The following EPSTI1 variants were observed in gnomAD, a reference collection of about 807,000 sequenced individuals.
EPSTI1 encodes epithelial-stromal interaction protein 1.
Under a neutral mutation model 49.9 loss-of-function variants are expected in EPSTI1, and 66 were observed. The ratio of observed to expected loss-of-function variants is 1.32; its 90% CI spans 1.08 to 1.62. The LOEUF is 1.62. Among genes scored for constraint, EPSTI1 ranks in the 40% most tolerant of loss-of-function variants. EPSTI1 has a pLI of 0.00. For missense variants in EPSTI1, 394 were observed against 365.5 expected (o/e 1.08, Z -0.64); for synonymous variants, 137 against 130.7 (o/e 1.05, Z -0.33).
rs529153522 is a variant in EPSTI1 at position 42,904,834 on chromosome 13, C to T, written c.742-4451G>A. 1.5e-3 allele frequency among the ~76,000 whole-genome samples: 233 copies of T among 152,264 alleles called. 2 individuals are homozygous for T. Among genetic ancestry groups the T allele is most frequent in the Non-Finnish European group, 8.8e-4 (60 of 68,020 alleles). ...AAATATATACATACATTCATTTTGA[C>T]TTTTATATGCTGATGTGTATCCAAA... On this transcript the variant is annotated intron_variant, in intron 8 of 10. Transcript: ENST00000313624.
At chr13:42,889,995 C>T (rs9533291) in intron 10 of EPSTI1, among the ~76,000 whole-genome samples, 56,524 of 151,978 alleles carry the variant, frequency 0.37, 10,865 homozygotes, top group East Asian at 0.6. Context: ...CAGCATTTGC[C>T]AGAGTCTGTT....
At chr13:42,948,917 C>A (rs1388328538) in intron 6 of EPSTI1, among the ~76,000 whole-genome samples, 1 of 152,204 alleles carries the variant, frequency 6.6e-6, no homozygotes, top group African/African-American at 2.4e-5. Flanking sequence ...TTAATGGATT[C>A]CCTTGTAGCC....
intron 1 of EPSTI1, among the ~76,000 whole-genome samples, chr13:42,988,224 T>C (rs924768030): frequency 1.3e-5 from 2 of 152,156 alleles, no homozygotes; most frequent in Non-Finnish European, 2.9e-5. Flanking sequence ...AGAGGTGATA[T>C]AAATAATGTA....
intron 8 of EPSTI1, among the ~76,000 whole-genome samples, chr13:42,909,231 A>G (rs2037594253): frequency 6.6e-6 from 1 of 152,212 alleles, no homozygotes; most frequent in African/African-American, 2.4e-5. Flanking sequence ...TAAAACCACG[A>G]TGAGCTATTA....
At chr13:42,910,257 CTT>C (rs71099807) in intron 8 of EPSTI1, among the ~76,000 whole-genome samples, 18,615 of 97,386 alleles carry the variant, frequency 0.19, 1,143 homozygotes, top group East Asian at 0.34. Context: ...TTAACCAAAT[CTT>C]TTTTTTTTTT....
At position 42,992,222 on chromosome 13, in the gene EPSTI1, C is replaced by T. The variant is rs2040211683; in HGVS notation, c.-57G>A. Reference sequence around the variant, plus strand: ...CGCTGCGGGAGGGATGCGGCTGGGACGCTTAGCGAGTCTCAAGATGGGATT... The same window carrying T: ...CGCTGCGGGAGGGATGCGGCTGGGATGCTTAGCGAGTCTCAAGATGGGATT... On this transcript the variant is annotated 5_prime_UTR_variant, in exon 1 of 11. Transcript: ENST00000313624. 4 of 1,473,138 alleles carry T rather than the reference C, an allele frequency of 2.7e-6. No homozygotes were observed. The highest frequency in any genetic ancestry group is 2.7e-5 in the Admixed American group (1 of 37,300). The allele number at this position is 1,473,138 out of a possible 1,614,324, so 91.3% of individuals were successfully genotyped here.
At position 42,963,238 on chromosome 13, in the gene EPSTI1, ATCC is replaced by A. The variant is rs751677155; in HGVS notation, c.489+14_489+16del. 6.9e-6 allele frequency: 11 copies of A among 1,593,326 alleles called. No homozygotes were observed. Among genetic ancestry groups the A allele is most frequent in the Non-Finnish European group, 7.7e-6 (9 of 1,163,044 alleles). ...ATTGTTGATCAGCAAATGTGAACTAATCCTCCTCCTCCTTACCTTCTCTCTCTG... is the reference window on the plus strand; with the variant it reads ...ATTGTTGATCAGCAAATGTGAACTAATCCTCCTCCTTACCTTCTCTCTCTG... On this transcript the variant is annotated intron_variant, in intron 5 of 10. Transcript: ENST00000313624.
chr13:42,907,967 G>T (rs1394151303), intron 8 of EPSTI1, among the ~76,000 whole-genome samples: 5 of 152,080 alleles, frequency 3.3e-5, no homozygotes, highest in Admixed American at 6.6e-5. Flanking sequence ...ACTGATTTTT[G>T]GCAAAAGGGC....
At chr13:42,990,902 AT>A (rs1236937870) in intron 1 of EPSTI1, among the ~76,000 whole-genome samples, 2 of 152,222 alleles carry the variant, frequency 1.3e-5, no homozygotes, top group African/African-American at 4.8e-5. Context: ...AAAGGCAGTG[AT>A]GTTGTGATAA....
rs1281146925 is a variant in EPSTI1, at chr13:42,920,774, T to C, written c.658-3150A>G. 5.3e-5 allele frequency among the ~76,000 whole-genome samples: 8 copies of C among 152,306 alleles called. No homozygotes were observed. In the East Asian group the frequency reaches 7.7e-4, roughly 15 times the overall value. ...AATGACTCTATAAAGTCCTGCATAC[T>C]GACCAGTGAGCCTCTGAGTCCCTCT... On this transcript the variant is annotated intron_variant, in intron 7 of 10. Transcript: ENST00000313624.
intron 7 of EPSTI1, among the ~76,000 whole-genome samples, chr13:42,926,032 G>GAAGC (rs1453709568): frequency 6.6e-6 from 1 of 150,968 alleles, no homozygotes; most frequent in East Asian, 2.0e-4. Flanking sequence ...TGGATGGAAG[G>GAAGC]AAGGAAGGAA....
chr13:42,888,215 C>T lies in EPSTI1; in HGVS notation c.*279G>A. 1 of 1,603,256 alleles carries T rather than the reference C, an allele frequency of 6.2e-7. No individual in the cohort carries two copies. ...AAGCATCAAGTGACTCCCTCTTTTT[C>T]TACCCTACCAACATCACTCTAATTA... On this transcript the variant is annotated 3_prime_UTR_variant, in exon 11 of 11. Coordinates refer to ENST00000313624, the MANE Select transcript of EPSTI1 (RefSeq NM_033255.5).
chr13:42,952,041 TGCTCTGTAAAAATGCACCAATCAGC>T (rs1297491721), intron 6 of EPSTI1, among the ~76,000 whole-genome samples: 4 of 152,156 alleles, frequency 2.6e-5, no homozygotes, highest in Non-Finnish European at 5.9e-5. Flanking sequence ...CACCAATCAG[TGCTCTGTAAAAATGCACCAATCAGC>T]GCTCTGTGAC....
intron 1 of EPSTI1, among the ~76,000 whole-genome samples, chr13:42,973,429 A>G (rs1056107016): frequency 1.3e-5 from 2 of 152,266 alleles, no homozygotes; most frequent in Admixed American, 1.3e-4. Flanking sequence ...CAACCTTCTC[A>G]GCAATATTTT....
intron 1 of EPSTI1, among the ~76,000 whole-genome samples, chr13:42,989,755 A>T (rs1176995712): frequency 3.3e-5 from 5 of 150,498 alleles, no homozygotes; most frequent in African/African-American, 7.3e-5. Flanking sequence ...CACCATGCCC[A>T]GCTAATTTTT....
intron 6 of EPSTI1, among the ~76,000 whole-genome samples, chr13:42,946,100 A>T (rs542567289): frequency 1.3e-5 from 2 of 152,326 alleles, no homozygotes; most frequent in African/African-American, 4.8e-5. Context: ...CATGAAGGGC[A>T]TTAGAAGTTT....
Position 42,922,262 on chromosome 13 carries a change from C to G in EPSTI1, c.657+4074G>C, listed in dbSNP as rs2038025520. On this transcript the variant is annotated intron_variant, in intron 7 of 10. Transcript: ENST00000313624. The surrounding 1 kb of genome is among the most constrained non-coding windows in gnomAD (Gnocchi z 4.8). ...GCATAATGGCCCCCCAAAGACGTCC[C>G]AATCCCTGGAATCTGTGAATGTTTC... Among the ~76,000 whole-genome samples, 1 of 152,200 alleles carries G rather than the reference C, an allele frequency of 6.6e-6. No homozygotes were observed. The highest frequency in any genetic ancestry group is 2.1e-4 in the South Asian group (1 of 4,826).
chr13:42,941,569 A>G (rs1343303516), intron 6 of EPSTI1, among the ~76,000 whole-genome samples: 3 of 151,196 alleles, frequency 2.0e-5, no homozygotes, highest in African/African-American at 7.3e-5. Context: ...ACAGCAAACC[A>G]TGGTCATGCC....
intron 9 of EPSTI1, 112 bp downstream of exon 9, chr13:42,900,198 C>A: frequency 1.1e-6 from 1 of 936,050 alleles, no homozygotes; most frequent in Non-Finnish European, 1.7e-6. Flanking sequence ...AAAGGTAACA[C>A]GCATTCCAAA....
Sources: allele counts gnomAD v4.1 joint callset (sites outside exome capture counted in the v4.1 genomes callset), GRCh38; gene constraint gnomAD v4.1.1; non-coding constraint Gnocchi (gnomAD v3.1); transcripts MANE v1.5; gene names NCBI Gene and HGNC (gene_info 2026-07-23, HGNC 2026-07-21).